The following CCDC57 variants were observed in gnomAD, a reference collection of about 807,000 sequenced individuals.
CCDC57 encodes the protein coiled-coil domain containing 57, also known as coiled-coil domain-containing protein 57.
In CCDC57, 118 loss-of-function variants were observed where a neutral mutation model predicts 118.9. The observed-to-expected ratio is 0.99, with a 90% CI of 0.86 to 1.16. The LOEUF (loss-of-function observed/expected upper bound fraction) is 1.16, where lower values mean the gene tolerates loss of function less well. Ranked by LOEUF, CCDC57 falls within the 50% of genes most tolerant of loss-of-function variation. The pLI is 0.00. For synonymous variants in CCDC57, 527 were observed against 532.9 expected, an observed-to-expected ratio of 0.99 and a Z score of 0.15; for missense variants, 1,300 against 1,320.7, an observed-to-expected ratio of 0.98 and a Z score of 0.24.
At chr17:82,146,630 A>G (rs1020957194) in intron 16 of CCDC57, among the ~76,000 whole-genome samples, 1 of 152,266 alleles carries the variant, frequency 6.6e-6, no homozygotes, top group African/African-American at 2.4e-5. Context: ...CCAAACCAAA[A>G]GTCCCCATTC....
chr17:82,177,534 C>T (rs1197961341), intron 11 of CCDC57, among the ~76,000 whole-genome samples: 1 of 152,070 alleles, frequency 6.6e-6, no homozygotes, highest in Non-Finnish European at 1.5e-5. Context: ...GGCAACAAAG[C>T]GAGACCGAGA....
At chr17:82,202,039 C>T in intron 2 of CCDC57, 87 bp from the exon 2 acceptor site, 2 of 1,329,674 alleles carry the variant, frequency 1.5e-6, no homozygotes, top group South Asian at 1.5e-5. Flanking sequence ...TCCCTATCAA[C>T]AGTTACCACG....
chr17:82,178,093 A>G (rs1245567818), intron 11 of CCDC57, among the ~76,000 whole-genome samples: 3 of 152,232 alleles, frequency 2.0e-5, no homozygotes, highest in Non-Finnish European at 4.4e-5. Context: ...AAACCCTGGC[A>G]TTGGATGAGT....
At chr17:82,126,925 A>T (rs1249540108) in intron 19 of CCDC57, 1 of 985,270 alleles carries the variant, frequency 1.0e-6, no homozygotes. Context: ...ATGCAGGCAC[A>T]CAGGAAGGAC....
At chr17:82,200,389 G>A (rs1209055271) in intron 3 of CCDC57, among the ~76,000 whole-genome samples, 1 of 152,190 alleles carries the variant, frequency 6.6e-6, no homozygotes, top group African/African-American at 2.4e-5. Context: ...CAGATTGCCC[G>A]TGGCGGCTTT....
At chr17:82,179,212 A>G (rs1444758404) in intron 9 of CCDC57, 23 bp from the exon 9 acceptor site, 1 of 1,605,736 alleles carries the variant, frequency 6.2e-7, no homozygotes, top group East Asian at 2.2e-5. Flanking sequence ...CCAACCGCTC[A>G]GCATTAATGC....
intron 7 of CCDC57, among the ~76,000 whole-genome samples, chr17:82,188,861 T>C (rs1232028961): frequency 6.6e-6 from 1 of 152,246 alleles, no homozygotes; most frequent in African/African-American, 2.4e-5. Flanking sequence ...AAAGTCTTGC[T>C]GTGTTGCCCA....
exon 3 of CCDC57, chr17:82,201,588 C>T: frequency 6.2e-7 from 1 of 1,612,700 alleles, no homozygotes; most frequent in Non-Finnish European, 8.5e-7. Flanking sequence ...CCAGCTGCTG[C>T]TGCTGCTGCA....
rs188966292 is a variant in CCDC57 at position 82,137,179 on chromosome 17, G to A, written c.2456-2985C>T. On this transcript the variant is annotated intron_variant, in intron 16 of 19. Coordinates refer to ENST00000665763, the Ensembl canonical transcript of CCDC57. ...ATTACAGGCACCTGCCACCATGCCC[G>A]GCTAATTTTTGTATTTTTAGTAGAC... Among the ~76,000 whole-genome samples the A allele has an allele frequency of 2.0e-4, 31 of 151,984 alleles. No homozygotes were observed. In the East Asian group the frequency reaches 4.5e-3, roughly 22 times the overall value.
chr17:82,141,058 T>C lies in CCDC57; in HGVS notation c.2456-6864A>G, dbSNP rs971787933. Reference sequence around the variant, plus strand: ...TGGAGTCTCGATCTGTCACCCAGGCTGGAGTGCAGTGGTGTGATCTCCACT... The same window carrying C: ...TGGAGTCTCGATCTGTCACCCAGGCCGGAGTGCAGTGGTGTGATCTCCACT... On this transcript the variant is annotated intron_variant, in intron 16 of 19. Coordinates refer to ENST00000665763, the Ensembl canonical transcript of CCDC57. Among the ~76,000 whole-genome samples the C allele has an allele frequency of 2.0e-5, 3 of 152,026 alleles. No individual in the cohort carries two copies. In the South Asian group the frequency reaches 6.2e-4, roughly 32 times the overall value.
intron 19 of CCDC57, among the ~76,000 whole-genome samples, chr17:82,122,630 C>T (rs769268678): frequency 2.6e-5 from 4 of 152,026 alleles, no homozygotes; most frequent in Non-Finnish European, 5.9e-5. Context: ...TCCTGTCTCC[C>T]GCCAGGCTTG....
intron 7 of CCDC57, 93 bp downstream of exon 6, chr17:82,193,663 T>C: frequency 8.7e-7 from 1 of 1,149,148 alleles, no homozygotes; most frequent in Non-Finnish European, 1.3e-6. Flanking sequence ...AGTGGGACCC[T>C]CTGCTCCCTG....
At chr17:82,201,022 T>C (rs916043614) in intron 3 of CCDC57, among the ~76,000 whole-genome samples, 2 of 152,142 alleles carry the variant, frequency 1.3e-5, no homozygotes, top group Non-Finnish European at 2.9e-5. Context: ...TCCTCCTTCC[T>C]TCCTGTCTCC....
chr17:82,108,479 C>T (rs539534591), intron 19 of CCDC57, among the ~76,000 whole-genome samples: 2 of 152,340 alleles, frequency 1.3e-5, no homozygotes, highest in East Asian at 3.9e-4. Context: ...CAGGATCTCT[C>T]TTGCTTGTGT....
At chr17:82,202,661 G>C (rs1160500998) in intron 2 of CCDC57, among the ~76,000 whole-genome samples, 1 of 151,918 alleles carries the variant, frequency 6.6e-6, no homozygotes, top group Non-Finnish European at 1.5e-5. Flanking sequence ...GAGGCAGGAG[G>C]ATCACTTGAA....
chr17:82,206,628 C>T (rs994398965), intron 2 of CCDC57, among the ~76,000 whole-genome samples: 25 of 152,194 alleles, frequency 1.6e-4, no homozygotes, highest in African/African-American at 6.0e-4. Context: ...TCTGTATCCT[C>T]TGTAATACCC....
intron 13 of CCDC57, among the ~76,000 whole-genome samples, chr17:82,169,988 C>T (rs1291811263): frequency 1.3e-5 from 2 of 152,100 alleles, no homozygotes; most frequent in Non-Finnish European, 2.9e-5. Context: ...CTAAAAAAAT[C>T]TATGACAAAG....
In CCDC57 at chr17:82,118,416, C is replaced by T. The variant is rs763238241; in HGVS notation, c.2899+9276G>A. 1.3e-5 allele frequency among the ~76,000 whole-genome samples: 2 copies of T among 152,178 alleles called. No homozygotes were observed. The highest frequency in any genetic ancestry group is 2.9e-5 in the Non-Finnish European group (2 of 68,044). ...TTATTCATTAGCGCAGGATGCCCCA[C>T]GCATCCGGAGATGGGGTTTGGAACA... On this transcript the variant is annotated intron_variant, in intron 19 of 19. Transcript: ENST00000665763. This position sits in a 1 kb window ranked among gnomAD's most constrained non-coding sequence, Gnocchi z 4.7.
At chr17:82,161,107 C>A (rs2043274921) in intron 14 of CCDC57, among the ~76,000 whole-genome samples, 1 of 152,122 alleles carries the variant, frequency 6.6e-6, no homozygotes. Flanking sequence ...TGAGACGATG[C>A]TCGACACCAG....
Sources: gnomAD v4.1 joint callset for allele counts (sites outside exome capture counted in the v4.1 genomes callset) on GRCh38, gnomAD v4.1.1 for gene constraint, Gnocchi (gnomAD v3.1) non-coding constraint, MANE v1.5 for transcripts, NCBI Gene and HGNC (gene_info 2026-07-23, HGNC 2026-07-21) for gene names.